Variants in SYNE2 observed in about 807,000 individuals in gnomAD.
SYNE2 encodes nesprin-2.
A neutral mutation model predicts 856.3 loss-of-function variants in SYNE2; 431 were observed. The ratio of observed to expected loss-of-function variants is 0.50; its 90% CI spans 0.47 to 0.55. The LOEUF is 0.55. Among genes scored for constraint, SYNE2 ranks in the 20% least tolerant of loss-of-function variants. SYNE2 has a pLI of 0.00. For synonymous variants in SYNE2, 2,923 were observed against 2,872.3 expected, an observed-to-expected ratio of 1.02 and a Z score of -0.56; for missense variants, 8,129 against 8,023.2, an observed-to-expected ratio of 1.01 and a Z score of -0.50.
At chr14:64,108,213 G>A (rs568588705) in intron 65 of SYNE2, among the ~76,000 whole-genome samples, 7 of 152,216 alleles carry the variant, frequency 4.6e-5, no homozygotes, top group South Asian at 2.1e-4. Context: ...TTAGCCGGGC[G>A]TGGTGGCACA....
intron 1 of SYNE2, among the ~76,000 whole-genome samples, chr14:63,803,780 G>A (rs770170280): frequency 2.0e-5 from 3 of 152,234 alleles, no homozygotes; most frequent in South Asian, 4.1e-4. Flanking sequence ...AGGAGGTGCC[G>A]AGAGCGAGCG....
chr14:63,882,646 G>A (rs1035541879), intron 1 of SYNE2, among the ~76,000 whole-genome samples: 3 of 152,054 alleles, frequency 2.0e-5, no homozygotes, highest in East Asian at 1.9e-4. Context: ...GATTGGTTGC[G>A]TCTGGGATAT....
At chr14:64,121,935 A>G in intron 68 of SYNE2, 77 bp from the exon 69 acceptor site, 2 of 1,582,924 alleles carry the variant, frequency 1.3e-6, no homozygotes, top group South Asian at 1.1e-5. Flanking sequence ...AATTAGATTT[A>G]TCTCAGCAGA....
Position 63,839,059 on chromosome 14 carries a change from C to G in SYNE2, c.-304-13442C>G, listed in dbSNP as rs575262201. ...TTCTTCTTTTTTTTTTAGACGGGGT[C>G]TCATTCTGTTGCCCAGGCTGGAATC... On this transcript the variant is annotated intron_variant, in intron 1 of 23. Coordinates refer to the SYNE2 transcript ENST00000674003. Among the ~76,000 whole-genome samples, 8 of 151,726 alleles carry G rather than the reference C, an allele frequency of 5.3e-5. No homozygotes were observed. The South Asian group carries it at 1.7e-3, about 32-fold the overall frequency.
At chr14:63,845,629 A>G (rs1394172319) in intron 1 of SYNE2, among the ~76,000 whole-genome samples, 3 of 151,438 alleles carry the variant, frequency 2.0e-5, no homozygotes, top group Non-Finnish European at 4.4e-5. Flanking sequence ...TTTCTGCTTT[A>G]TCTTTATTTT....
chr14:64,050,225 CTCTGGAGTCTCT>C (rs2097215134), intron 47 of SYNE2, among the ~76,000 whole-genome samples: 1 of 152,162 alleles, frequency 6.6e-6, no homozygotes, highest in Admixed American at 6.5e-5. Flanking sequence ...AAGTGCAGCT[CTCTGGAGTCTCT>C]TTTATAAGGG....
Position 64,076,042 on chromosome 14 carries a change from C to A in SYNE2, c.10964C>A (p.Ala3655Glu). The A allele has an allele frequency of 6.2e-7, 1 of 1,613,908 alleles. No individual in the cohort carries two copies. The highest frequency in any genetic ancestry group is 2.2e-5 in the East Asian group (1 of 44,840). The stretch of plus-strand genomic sequence containing the variant: ...TCCGAAATGTACACCATAGTCCCTG[C>A]AGAGATTGAATCCCAGGTGGAAGAA... ...KYSEMYTIVP[A>E]EIESQVEECR... Residue 3655 changes from alanine (A) to glutamate (E), a missense_variant, in exon 54 of 116, where the codon GCA (alanine) becomes GAA (glutamate). Physicochemically the swap from Ala to Glu is moderately radical, Grantham distance 107. This residue lies in a region of SYNE2 where 5,410 missense variants were observed against 5,284.8 expected (regional missense o/e 1.02). Transcript: ENST00000555002.
chr14:64,188,528 C>T (rs2098502814), intron 97 of SYNE2, 22 bp from the exon 98 acceptor site: 10 of 1,613,956 alleles, frequency 6.2e-6, no homozygotes, highest in Non-Finnish European at 8.5e-6. Context: ...TACTCAGCTG[C>T]CAAATGTATT....
intron 51 of SYNE2, among the ~76,000 whole-genome samples, chr14:64,067,318 C>T (rs1403015200): frequency 6.6e-6 from 1 of 152,104 alleles, no homozygotes; most frequent in South Asian, 2.1e-4. Context: ...TTTTTATTAT[C>T]CTTACTTTGT....
chr14:63,912,943 CT>C (rs1045866083), intron 2 of SYNE2, among the ~76,000 whole-genome samples: 1 of 151,776 alleles, frequency 6.6e-6, no homozygotes, highest in Non-Finnish European at 1.5e-5. Context: ...TACCCTCCCT[CT>C]TTTTTTTGAG....
At chr14:63,991,608 A>T (rs3866736) in intron 21 of SYNE2, among the ~76,000 whole-genome samples, 8,281 of 152,198 alleles carry the variant, frequency 0.054, 290 homozygotes, top group Admixed American at 0.096. Flanking sequence ...TTTTGTATGG[A>T]GACAGTTTCA....
Position 64,000,562 on chromosome 14 carries a change from G to A in SYNE2, c.3481G>A (p.Val1161Ile). 1 of 1,612,370 alleles carries A rather than the reference G, an allele frequency of 6.2e-7. No individual in the cohort carries two copies. Among genetic ancestry groups the A allele is most frequent in the Non-Finnish European group, 8.5e-7 (1 of 1,178,844 alleles). The change falls in exon 28 of 116, where the codon GTC becomes ATC. Residue 1161 changes from valine (V) to isoleucine (I), a missense_variant and splice_region_variant. By Grantham distance (29) the Val-to-Ile change is conservative (BLOSUM62 3). Around this residue, in one of 3 missense-constraint regions of SYNE2, gnomAD observed 2,422 missense variants for 2,357.4 expected, o/e 1.03. Transcript: ENST00000555002. ...CLQAKLTDLQ[V>I]IKNETDARWK... ...AAATTAATTTATGTGTTCCATCTAG[G>A]TCATAAAAAATGAAACTGATGCTCG...
chr14:64,170,099 T>C (rs2098403442), intron 93 of SYNE2, 129 bp from the exon 94 acceptor site: 1 of 862,434 alleles, frequency 1.2e-6, no homozygotes, highest in African/African-American at 1.7e-5. Flanking sequence ...CACTCAGGTG[T>C]TTAGAAGTTG....
chr14:64,141,813 T>C (rs1437195171), intron 81 of SYNE2, 129 bp from the exon 82 acceptor site: 5 of 1,009,164 alleles, frequency 5.0e-6, no homozygotes, highest in African/African-American at 4.1e-5. Flanking sequence ...GCTGGGTTTG[T>C]TTTTTTTTTG....
chr14:63,981,661 C>T (rs979113611), intron 16 of SYNE2, among the ~76,000 whole-genome samples: 18 of 152,076 alleles, frequency 1.2e-4, no homozygotes, highest in African/African-American at 4.3e-4. Context: ...GAAGAACTGT[C>T]AATGTAATTC....
chr14:63,875,086 G>A (rs989694013), intron 1 of SYNE2, among the ~76,000 whole-genome samples: 2 of 151,832 alleles, frequency 1.3e-5, no homozygotes, highest in African/African-American at 4.8e-5. Flanking sequence ...TGTCCAGGCT[G>A]GAGTGCAGTG....
rs2097234152 is a variant in SYNE2 at position 64,052,392 on chromosome 14, C to A, written c.8479C>A (p.Gln2827Lys). The A allele has an allele frequency of 6.2e-7, 1 of 1,613,704 alleles. No homozygotes were observed. The highest frequency in any genetic ancestry group is 1.1e-5 in the South Asian group (1 of 90,956). The change falls in exon 48 of 116, where the codon CAG (glutamine) becomes AAG (lysine). Residue 2827 changes from glutamine to lysine, a missense_variant. Around this residue, in one of 3 missense-constraint regions of SYNE2, gnomAD observed 5,410 missense variants for 5,284.8 expected, o/e 1.02. Coordinates refer to ENST00000555002, the MANE Select transcript of SYNE2 (RefSeq NM_182914.3). ...MLVLKSTQRS[Q>K]QLEFKLEERS... ...GGTTTTAAAATCAACTCAAAGATCA[C>A]AGCAATTAGAATTTAAGTTGGAAGA...
chr14:63,880,759 G>A (rs1224424461), intron 1 of SYNE2, among the ~76,000 whole-genome samples: 1 of 149,602 alleles, frequency 6.7e-6, no homozygotes, highest in Non-Finnish European at 1.5e-5. Context: ...TGCAGCCTTG[G>A]CTTCCTGGTC....
intron 96 of SYNE2, among the ~76,000 whole-genome samples, chr14:64,184,875 G>T (rs1465491400): frequency 6.6e-6 from 1 of 152,234 alleles, no homozygotes; most frequent in Non-Finnish European, 1.5e-5. Context: ...GGTAAGTTAT[G>T]AAATCATGCC....
Sources: gnomAD v4.1 joint callset for allele counts (sites outside exome capture counted in the v4.1 genomes callset) on GRCh38, gnomAD v4.1.1 for gene constraint, gnomAD v4.1.1 regional missense constraint, MANE v1.5 for transcripts, NCBI Gene and HGNC (gene_info 2026-07-23, HGNC 2026-07-21) for gene names.